STK32B: variants seen among roughly 807,000 people sequenced by gnomAD.
STK32B encodes the protein serine/threonine kinase 32B.
STK32B carries 43 observed loss-of-function variants against 52.6 expected under a neutral mutation model. That is an observed-to-expected ratio of 0.82 (90% CI 0.64 to 1.05). The LOEUF is 1.05. STK32B is among the 50% of genes least tolerant of loss of function. The probability of loss-of-function intolerance (pLI) is 0.00; values close to 1 mark genes in which losing one functional copy is unlikely to be tolerated. For missense variants in STK32B, 621 were observed against 534.6 expected, an observed-to-expected ratio of 1.16 and a Z score of -1.59; for synonymous variants, 238 against 204.3, an observed-to-expected ratio of 1.17 and a Z score of -1.41.
At chr4:5,306,289 G>A (rs992871519) in intron 3 of STK32B, among the ~76,000 whole-genome samples, 2 of 152,090 alleles carry the variant, frequency 1.3e-5, no homozygotes, top group Admixed American at 6.5e-5. Flanking sequence ...CCTTTCTAGT[G>A]CTGTCCGTGG....
intron 3 of STK32B, among the ~76,000 whole-genome samples, chr4:5,314,850 TA>T (rs1381803709): frequency 6.6e-6 from 1 of 151,872 alleles, no homozygotes; most frequent in Non-Finnish European, 1.5e-5. Context: ...GGAGATAAAA[TA>T]AAAATACAAA....
chr4:5,346,925 A>G (rs1169766709), intron 4 of STK32B, among the ~76,000 whole-genome samples: 1 of 152,210 alleles, frequency 6.6e-6, no homozygotes, highest in Non-Finnish European at 1.5e-5. Context: ...GATGGTGGCA[A>G]GTAAGAGAGA....
At position 5,190,036 on chromosome 4, in the gene STK32B, A is replaced by G. The variant is rs575694791; in HGVS notation, c.260+21586A>G. Among the ~76,000 whole-genome samples, 15 of 152,286 alleles carry G rather than the reference A, an allele frequency of 9.8e-5. No individual in the cohort carries two copies. In the East Asian group the frequency reaches 2.9e-3, roughly 29 times the overall value. ...CCCACAAATCATATGTGGAGAGCGT[A>G]CATGATCAGCTCACTTGGTTACTCA... On this transcript the variant is annotated intron_variant, in intron 3 of 11. Transcript: ENST00000282908.
intron 6 of STK32B, among the ~76,000 whole-genome samples, chr4:5,434,725 A>T (rs1713897018): frequency 1.3e-5 from 2 of 152,194 alleles, no homozygotes; most frequent in South Asian, 4.1e-4. Flanking sequence ...ATGAGATAAC[A>T]CATAGACACT....
In STK32B at chr4:5,389,769, C is replaced by T. The variant is rs146603811; in HGVS notation, c.435-8438C>T. Among the ~76,000 whole-genome samples, 16 of 152,178 alleles carry T rather than the reference C, an allele frequency of 1.1e-4. No homozygotes were observed. The Middle Eastern group carries it at 0.01, about 97-fold the overall frequency. On this transcript the variant is annotated intron_variant, in intron 4 of 11. Transcript: ENST00000282908. ...CACATCCTAATCCTTATAATCTGTG[C>T]CTGTGTCACCTTACAGGGCAAAAGG...
chr4:5,187,608 AGGGGCCGGGC>A (rs1720843915), intron 3 of STK32B, among the ~76,000 whole-genome samples: 1 of 11,586 alleles, frequency 8.6e-5, no homozygotes, highest in Non-Finnish European at 1.5e-4. Context: ...GCAGGGTGGC[AGGGGCCGGGC>A]GGGGGAGGGG....
intron 1 of STK32B, among the ~76,000 whole-genome samples, chr4:5,131,576 C>A (rs1310720439): frequency 6.6e-6 from 1 of 152,196 alleles, no homozygotes; most frequent in African/African-American, 2.4e-5. Context: ...CCCTGGCTTT[C>A]CCACTTTCTC....
At chr4:5,318,033 C>G (rs1051351775) in intron 3 of STK32B, among the ~76,000 whole-genome samples, 2 of 152,200 alleles carry the variant, frequency 1.3e-5, no homozygotes, top group Non-Finnish European at 2.9e-5. Context: ...TGAATGCCTG[C>G]TGAAGTTTGA....
At chr4:5,182,204 C>T (rs2108754215) in intron 3 of STK32B, among the ~76,000 whole-genome samples, 1 of 152,346 alleles carries the variant, frequency 6.6e-6, no homozygotes, top group South Asian at 2.1e-4. Flanking sequence ...TTCTAGTTCT[C>T]TTGCTACTTA....
At chr4:5,160,546 C>T (rs1025497466) in intron 2 of STK32B, among the ~76,000 whole-genome samples, 16 of 152,102 alleles carry the variant, frequency 1.1e-4, no homozygotes, top group African/African-American at 1.7e-4. Flanking sequence ...TTCCGGATTG[C>T]CTTTCCCAAA....
At chr4:5,347,150 A>G (rs1236670849) in intron 4 of STK32B, among the ~76,000 whole-genome samples, 1 of 152,124 alleles carries the variant, frequency 6.6e-6, no homozygotes, top group East Asian at 1.9e-4. Context: ...CAGTCACCAT[A>G]AAAAGTGTTC....
chr4:5,314,827 T>C (rs1730556815), intron 3 of STK32B, among the ~76,000 whole-genome samples: 1 of 152,144 alleles, frequency 6.6e-6, no homozygotes, highest in African/African-American at 2.4e-5. Context: ...TTTAAAACTT[T>C]TTATTAAATG....
intron 1 of STK32B, among the ~76,000 whole-genome samples, chr4:5,112,594 C>A (rs1016287007): frequency 6.6e-6 from 1 of 152,238 alleles, no homozygotes; most frequent in South Asian, 2.1e-4. Context: ...AGTCAGTCTG[C>A]CAATTCAAAT....
chr4:5,206,520 C>T (rs1415579264), intron 3 of STK32B, among the ~76,000 whole-genome samples: 1 of 152,152 alleles, frequency 6.6e-6, no homozygotes, highest in African/African-American at 2.4e-5. Context: ...CTTCCAACAA[C>T]AGTCATTACC....
At chr4:5,304,840 T>C (rs957056232) in intron 3 of STK32B, among the ~76,000 whole-genome samples, 3 of 152,178 alleles carry the variant, frequency 2.0e-5, no homozygotes, top group South Asian at 2.1e-4. Flanking sequence ...TAGATGGCTT[T>C]TATTACCTTA....
At chr4:5,208,998 A>G (rs771695621) in intron 3 of STK32B, among the ~76,000 whole-genome samples, 4 of 152,206 alleles carry the variant, frequency 2.6e-5, no homozygotes, top group Non-Finnish European at 5.9e-5. Flanking sequence ...TTGATTTTCA[A>G]AGTCCTGCCC....
chr4:5,290,280 T>C (rs1045884457), intron 3 of STK32B, among the ~76,000 whole-genome samples: 1 of 152,038 alleles, frequency 6.6e-6, no homozygotes, highest in African/African-American at 2.4e-5. Flanking sequence ...TATAAACTTT[T>C]AAATATTTTA....
Position 5,058,036 on chromosome 4 carries a change from G to A in STK32B, c.52+6121G>A, listed in dbSNP as rs1330250603. ...AACCAAGGAAAAGATGGATGTCAAC[G>A]TTGTTAGCAATCCTGGAGTCTTCTT... On this transcript the variant is annotated intron_variant, in intron 1 of 11. Coordinates refer to ENST00000282908, the MANE Select transcript of STK32B (RefSeq NM_018401.3). The surrounding 1 kb of genome is among the most constrained non-coding windows in gnomAD (Gnocchi z 4.8). 2.0e-5 allele frequency among the ~76,000 whole-genome samples: 3 copies of A among 152,322 alleles called. No homozygotes were observed. The highest frequency in any genetic ancestry group is 6.5e-5 in the Admixed American group (1 of 15,310).
intron 4 of STK32B, among the ~76,000 whole-genome samples, chr4:5,384,236 G>A (rs1377262366): frequency 6.6e-6 from 1 of 152,294 alleles, no homozygotes; most frequent in East Asian, 1.9e-4. Context: ...AAGGGTGTGG[G>A]CAAAGGCTGA....
Sources: gnomAD v4.1 joint callset for allele counts (sites outside exome capture counted in the v4.1 genomes callset) on GRCh38, gnomAD v4.1.1 for gene constraint, Gnocchi (gnomAD v3.1) non-coding constraint, MANE v1.5 for transcripts, NCBI Gene and HGNC (gene_info 2026-07-23, HGNC 2026-07-21) for gene names.